SLC18B1: variants seen among roughly 807,000 people sequenced by gnomAD.
SLC18B1 encodes solute carrier family 18 member B1.
A neutral mutation model predicts 53.9 loss-of-function variants in SLC18B1; 62 were observed. That is an observed-to-expected ratio of 1.15 (90% confidence interval 0.94 to 1.42). SLC18B1 has a LOEUF of 1.42. Ranked by LOEUF, SLC18B1 falls within the 40% of genes most tolerant of loss-of-function variation. The probability of loss-of-function intolerance (pLI) is 0.00; values close to 1 mark genes in which losing one functional copy is unlikely to be tolerated. For synonymous variants in SLC18B1, 217 were observed against 200.9 expected (o/e 1.08, Z -0.68); for missense variants, 598 against 547.3 (o/e 1.09, Z -0.93).
chr6:132,786,638 A>G (rs1448343627), intron 5 of SLC18B1, among the ~76,000 whole-genome samples: 1 of 151,932 alleles, frequency 6.6e-6, no homozygotes, highest in Non-Finnish European at 1.5e-5. Flanking sequence ...TTTTCAAACT[A>G]CATTGTTACA....
chr6:132,773,206 G>T, intron 9 of SLC18B1, 118 bp from the exon 10 acceptor site: 1 of 522,102 alleles, frequency 1.9e-6, no homozygotes, highest in Non-Finnish European at 3.4e-6. Flanking sequence ...CCGATTATGT[G>T]CCTAGTCTCA....
chr6:132,789,061 T>TC (rs1276175665), intron 4 of SLC18B1, among the ~76,000 whole-genome samples: 3 of 152,166 alleles, frequency 2.0e-5, no homozygotes, highest in African/African-American at 7.2e-5. Flanking sequence ...TCCTCTATGT[T>TC]CCCCCATGTA....
rs1451022984 is a variant in SLC18B1, at chr6:132,796,987, T to C, written c.178A>G (p.Lys60Glu). Residue 60 changes from lysine to glutamate, a missense_variant, in exon 2 of 14, where the codon AAA becomes GAA. Lys to Glu is a moderately conservative substitution (Grantham distance 56). Coordinates refer to ENST00000275227, the MANE Select transcript of SLC18B1 (RefSeq NM_052831.3). ...CYSILGPFFPKEAEKKGASNT... is the reference protein window; with the variant it reads ...CYSILGPFFPEEAEKKGASNT... ...AGGATTTAAAAATGTCTTACCTCTTTGGGGAAAAACGGTCCAAGTATAGAA... is the reference window on the plus strand; with the variant it reads ...AGGATTTAAAAATGTCTTACCTCTTCGGGGAAAAACGGTCCAAGTATAGAA... 6.8e-6 allele frequency: 11 copies of C among 1,612,158 alleles called. No individual in the cohort carries two copies. The highest frequency in any genetic ancestry group is 9.3e-6 in the Non-Finnish European group (11 of 1,179,126).
intron 2 of SLC18B1, among the ~76,000 whole-genome samples, chr6:132,794,922 T>C (rs983100879): frequency 2.0e-5 from 3 of 152,150 alleles, no homozygotes; most frequent in African/African-American, 7.2e-5. Flanking sequence ...AAGGATCTCT[T>C]GAGCCTGGGA....
At chr6:132,785,442 C>A (rs1314992533) in intron 5 of SLC18B1, among the ~76,000 whole-genome samples, 1 of 152,152 alleles carries the variant, frequency 6.6e-6, no homozygotes, top group African/African-American at 2.4e-5. Flanking sequence ...TTTTTAGGGA[C>A]CTTAAACAGA....
At chr6:132,787,943 C>A (rs1030068798) in intron 4 of SLC18B1, among the ~76,000 whole-genome samples, 27 of 151,960 alleles carry the variant, frequency 1.8e-4, no homozygotes, top group Non-Finnish European at 3.4e-4. Flanking sequence ...AGGCAAATCA[C>A]GAAGTCAGGA....
At chr6:132,785,897 C>CAAAAAAAAAAAAAAAAAAAGAAA (rs1781357491) in intron 5 of SLC18B1, among the ~76,000 whole-genome samples, 1 of 81,180 alleles carries the variant, frequency 1.2e-5, no homozygotes, top group African/African-American at 4.4e-5. Flanking sequence ...CCTGTCTCTA[C>CAAAAAAAAAAAAAAAAAAAGAAA]AAAAAAAAAA....
chr6:132,787,363 C>G (rs1274512128), intron 5 of SLC18B1, 71 bp downstream of exon 5: 1 of 1,414,462 alleles, frequency 7.1e-7, no homozygotes, highest in Non-Finnish European at 9.4e-7. Flanking sequence ...TGGACCCCAG[C>G]TTTAACTTGG....
At chr6:132,784,153 T>A in intron 5 of SLC18B1, 64 bp from the exon 6 acceptor site, 3 of 1,340,630 alleles carry the variant, frequency 2.2e-6, no homozygotes, top group Admixed American at 2.9e-5. Flanking sequence ...CATGGTACTA[T>A]CTTTAAAAAA....
chr6:132,786,380 C>T (rs1332547863), intron 5 of SLC18B1, among the ~76,000 whole-genome samples: 1 of 150,480 alleles, frequency 6.6e-6, no homozygotes, highest in Non-Finnish European at 1.5e-5. Flanking sequence ...CCCGTCTCTA[C>T]TAAAAATACA....
Position 132,782,465 on chromosome 6 carries a change from T to C in SLC18B1, c.658+1468A>G, listed in dbSNP as rs933434906. 2.6e-5 allele frequency among the ~76,000 whole-genome samples: 4 copies of C among 152,192 alleles called. No individual in the cohort carries two copies. The East Asian group carries it at 7.7e-4, about 29-fold the overall frequency. On this transcript the variant is annotated intron_variant, in intron 6 of 13. Coordinates refer to ENST00000275227, the MANE Select transcript of SLC18B1 (RefSeq NM_052831.3). ...AAGTGTCCAATATGTTGTTATTAACTATAGTCACTATGATGTACAATAGAT... is the reference window on the plus strand; with the variant it reads ...AAGTGTCCAATATGTTGTTATTAACCATAGTCACTATGATGTACAATAGAT...
chr6:132,774,734 C>A (rs1253711452), intron 8 of SLC18B1, among the ~76,000 whole-genome samples: 1 of 152,002 alleles, frequency 6.6e-6, no homozygotes, highest in Non-Finnish European at 1.5e-5. Flanking sequence ...CATGGTGAAA[C>A]CCTGTCTCTA....
intron 7 of SLC18B1, among the ~76,000 whole-genome samples, chr6:132,778,263 G>A (rs912731110): frequency 2.6e-5 from 4 of 152,160 alleles, no homozygotes; most frequent in Non-Finnish European, 4.4e-5. Flanking sequence ...TATACGTGCA[G>A]GTCACAGGGG....
intron 9 of SLC18B1, among the ~76,000 whole-genome samples, chr6:132,773,870 AAAG>A (rs1781038274): frequency 7.1e-6 from 1 of 141,312 alleles, no homozygotes; most frequent in African/African-American, 3.2e-5. Flanking sequence ...AGGAAAAAGA[AAAG>A]AAAAAAAAAA....
intron 8 of SLC18B1, 100 bp from the exon 9 acceptor site, chr6:132,774,413 C>A: frequency 1.2e-6 from 1 of 839,404 alleles, no homozygotes. Flanking sequence ...TCATGATATT[C>A]AAAAACCCAA....
At position 132,785,626 on chromosome 6, in the gene SLC18B1, T is replaced by C. The variant is rs543432167; in HGVS notation, c.502-1537A>G. Reference sequence around the variant, plus strand: ...TTGGCTGCAATTTTATACAGAAACTTGGTACAGCAACATTGGTGTCTCTTG... The same window carrying C: ...TTGGCTGCAATTTTATACAGAAACTCGGTACAGCAACATTGGTGTCTCTTG... On this transcript the variant is annotated intron_variant, in intron 5 of 13. Transcript: ENST00000275227. 1.1e-4 allele frequency among the ~76,000 whole-genome samples: 17 copies of C among 152,202 alleles called. 1 individual carries two copies. The South Asian group carries it at 3.5e-3, about 32-fold the overall frequency.
At position 132,770,188 on chromosome 6, in the gene SLC18B1, A is replaced by C. The variant is rs1780932379; in HGVS notation, c.*82T>G. 2.4e-6 allele frequency: 3 copies of C among 1,257,916 alleles called. No individual in the cohort carries two copies. The highest frequency in any genetic ancestry group is 3.4e-6 in the Non-Finnish European group (3 of 872,648). 77.9% of individuals were successfully genotyped at this position (1,257,916 alleles called of 1,614,324 possible). On this transcript the variant is annotated 3_prime_UTR_variant, in exon 14 of 14. Coordinates refer to ENST00000275227, the MANE Select transcript of SLC18B1 (RefSeq NM_052831.3). ...GGGTCCACGGAGTTTTGCGCGTAAA[A>C]TTTTAAAAACCCTTCCTACGGTGAT... is the stretch of plus-strand genomic sequence containing the variant.
intron 2 of SLC18B1, among the ~76,000 whole-genome samples, chr6:132,792,056 C>T (rs188503918): frequency 2.0e-5 from 3 of 151,420 alleles, no homozygotes; most frequent in East Asian, 1.9e-4. Flanking sequence ...GGCAAAACCC[C>T]GTCTCTACTA....
intron 8 of SLC18B1, among the ~76,000 whole-genome samples, chr6:132,774,580 T>G (rs1781054870): frequency 6.6e-6 from 1 of 152,100 alleles, no homozygotes; most frequent in South Asian, 2.1e-4. Context: ...CATGATGAAC[T>G]ATTACAAATA....
Sources: allele counts gnomAD v4.1 joint callset (sites outside exome capture counted in the v4.1 genomes callset), GRCh38; gene constraint gnomAD v4.1.1; transcripts MANE v1.5; gene names NCBI Gene and HGNC (gene_info 2026-07-23, HGNC 2026-07-21).